The following GRIN1 variants were observed in gnomAD, a reference collection of about 807,000 sequenced individuals.
The protein encoded by GRIN1 is glutamate receptor ionotropic, NMDA 1.
A neutral mutation model predicts 103.0 loss-of-function variants in GRIN1; 38 were observed. The observed-to-expected ratio is 0.37, with a 90% CI of 0.28 to 0.48. The LOEUF is 0.48. GRIN1 is among the 20% of genes least tolerant of loss of function. The pLI, the probability that GRIN1 is intolerant of heterozygous loss-of-function variation, is 0.98. For synonymous variants in GRIN1, 544 were observed against 532.7 expected (o/e 1.02, Z -0.29); for missense variants, 577 against 1,288.9 (o/e 0.45, Z 8.46).
At chr9:137,144,241 T>C (rs931182900) in intron 2 of GRIN1, among the ~76,000 whole-genome samples, 109 of 152,056 alleles carry the variant, frequency 7.2e-4, no homozygotes, top group African/African-American at 2.5e-3. Context: ...CTCCTCCATT[T>C]CCGAGATTAT....
chr9:137,141,915 C>T, intron 1 of GRIN1, 98 bp from the exon 2 acceptor site: 1 of 1,282,106 alleles, frequency 7.8e-7, no homozygotes. Context: ...CCCCCCTTAG[C>T]CTGCTGGGTT....
intron 10 of GRIN1, among the ~76,000 whole-genome samples, 182 bp from the exon 11 acceptor site, chr9:137,161,742 C>T (rs1833563494): frequency 6.9e-6 from 1 of 144,850 alleles, no homozygotes; most frequent in African/African-American, 2.6e-5. Context: ...GTGGTGGGGC[C>T]CGCCCGGCGT....
At chr9:137,151,999 C>T (rs955275495) in intron 4 of GRIN1, among the ~76,000 whole-genome samples, 27 of 147,476 alleles carry the variant, frequency 1.8e-4, no homozygotes, top group African/African-American at 5.8e-4. Context: ...CTCCACCTCC[C>T]GGGCTCACGC....
At chr9:137,153,068 C>T (rs1312481490) in intron 4 of GRIN1, among the ~76,000 whole-genome samples, 1 of 151,270 alleles carries the variant, frequency 6.6e-6, no homozygotes, top group African/African-American at 2.4e-5. Context: ...TGCACACATG[C>T]CATATACACA....
Position 137,162,863 on chromosome 9 carries a change from C to T in GRIN1, c.2031C>T (p.Asp677=). The T allele has an allele frequency of 1.2e-6, 2 of 1,612,272 alleles. No homozygotes were observed. The highest frequency in any genetic ancestry group is 1.3e-5 in the African/African-American group (1 of 75,052). ...INDPRLRNPS[D]KFIYATVKQS... is the part of the protein sequence containing the mutation. ...CCCTGCAGCTGAGGAACCCCTCGGACAAGTTTATCTACGCCACGGTGAAGC... is the reference window on the plus strand; with the variant it reads ...CCCTGCAGCTGAGGAACCCCTCGGATAAGTTTATCTACGCCACGGTGAAGC... The change falls in exon 15 of 20, where the codon GAC becomes GAT. Residue 677 remains aspartate, a synonymous_variant. Coordinates refer to ENST00000371561, the MANE Select transcript of GRIN1 (RefSeq NM_007327.4).
intron 2 of GRIN1, among the ~76,000 whole-genome samples, chr9:137,144,202 C>T (rs972487219): frequency 6.6e-6 from 1 of 152,100 alleles, no homozygotes; most frequent in Non-Finnish European, 1.5e-5. Flanking sequence ...ACCCACGTCC[C>T]TTAGGGTGCT....
intron 8 of GRIN1, among the ~76,000 whole-genome samples, chr9:137,159,880 C>T (rs1282885004): frequency 6.6e-6 from 1 of 152,176 alleles, no homozygotes; most frequent in African/African-American, 2.4e-5. Flanking sequence ...GTGCCTCTCC[C>T]ACCACCCCCA....
intron 4 of GRIN1, among the ~76,000 whole-genome samples, chr9:137,153,355 A>G (rs1219729298): frequency 4.6e-5 from 7 of 151,992 alleles, no homozygotes; most frequent in Admixed American, 6.6e-5. Context: ...TGTATAGGTC[A>G]TACACAACAC....
rs36070681 is a variant in GRIN1, at chr9:137,161,691, CTGGAGTGGGCGGGACG to C, written c.1468-219_1468-204del. Among the ~76,000 whole-genome samples, 91,676 of 99,404 alleles carry C rather than the reference CTGGAGTGGGCGGGACG, an allele frequency of 0.92. 42,128 individuals carry two copies. Among genetic ancestry groups the C allele is most frequent in the East Asian group, 0.96 (3,296 of 3,434 alleles). The allele number at this position is 99,404 out of a possible 152,430, so 65.2% of individuals were successfully genotyped here. ...GTGGGCAGGGCCTGCAGGCGGGGGT[CTGGAGTGGGCGGGACG>C]TGGAGTGGGCGGGGCCTGCTGGCTG... is the stretch of plus-strand genomic sequence containing the variant. On this transcript the variant is annotated intron_variant, in intron 10 of 19. Transcript: ENST00000371561.
In GRIN1 at chr9:137,146,318, G is replaced by A. The variant is rs1220058141; in HGVS notation, c.570+416G>A. On this transcript the variant is annotated intron_variant, in intron 3 of 19. Coordinates refer to ENST00000371561, the MANE Select transcript of GRIN1 (RefSeq NM_007327.4). This position sits in a 1 kb window ranked among gnomAD's most constrained non-coding sequence, Gnocchi z 6.7. ...CCCCTGTACACGACCCCCACATACC[G>A]CCCCTGCAGGCCTGTCCCCTCCTGG... 2.5e-5 allele frequency among the ~76,000 whole-genome samples: 3 copies of A among 120,270 alleles called. No individual in the cohort carries two copies. The highest frequency in any genetic ancestry group is 2.7e-4 in the East Asian group (1 of 3,670). 78.9% of individuals were successfully genotyped at this position (120,270 alleles called of 152,430 possible). A position where few individuals can be genotyped will look rare whatever the true frequency, so the allele number is the denominator to read the frequency against.
intron 3 of GRIN1, among the ~76,000 whole-genome samples, chr9:137,148,531 G>A (rs1357693720): frequency 6.6e-6 from 1 of 152,220 alleles, no homozygotes; most frequent in Non-Finnish European, 1.5e-5. Flanking sequence ...GAGCCCGCCC[G>A]CCTGGCCACC....
At chr9:137,161,562 G>C (rs1269932612) in intron 10 of GRIN1, 146 bp downstream of exon 10, 1 of 732,412 alleles carries the variant, frequency 1.4e-6, no homozygotes, top group Non-Finnish European at 2.3e-6. Context: ...CCTGCGGGCT[G>C]GGTCCTGGCG....
chr9:137,145,946 G>C, intron 3 of GRIN1, 44 bp downstream of exon 3: 1 of 1,421,548 alleles, frequency 7.0e-7, no homozygotes, highest in Non-Finnish European at 9.7e-7. Flanking sequence ...GAGCCGAGGT[G>C]CAGGACGGGC....
rs1278372176 is a variant in GRIN1, at chr9:137,145,495, G to GGGA, written c.394-231_394-230insGGA. Among the ~76,000 whole-genome samples, 158 of 111,588 alleles carry GGGA rather than the reference G, an allele frequency of 1.4e-3. 15 individuals are homozygous for GGGA. Among genetic ancestry groups the GGGA allele is most frequent in the African/African-American group, 5.7e-3 (152 of 26,876 alleles). 73.2% of individuals were successfully genotyped at this position (111,588 alleles called of 152,430 possible). Reference sequence around the variant, plus strand: ...TGTCCCCAGCGGGGTGGGGACAGGGGTGGGAGACACGAGGGGGTCCCAGGG... The same window carrying GGGA: ...TGTCCCCAGCGGGGTGGGGACAGGGGGGATGGGAGACACGAGGGGGTCCCAGGG... On this transcript the variant is annotated intron_variant, in intron 2 of 19. Coordinates refer to ENST00000371561, the MANE Select transcript of GRIN1 (RefSeq NM_007327.4).
chr9:137,166,098 C>T (rs752808671), intron 19 of GRIN1, among the ~76,000 whole-genome samples: 117 of 152,284 alleles, frequency 7.7e-4, no homozygotes, highest in Non-Finnish European at 1.3e-3. Context: ...CCCCACAAGC[C>T]CTGGCCTGCA....
intron 2 of GRIN1, 31 bp downstream of exon 2, chr9:137,142,178 G>A (rs1304185166): frequency 6.2e-7 from 1 of 1,612,464 alleles, no homozygotes; most frequent in Non-Finnish European, 8.5e-7. Context: ...AGGCCTTCCG[G>A]CCCTCGGCCC....
chr9:137,142,257 C>T (rs1250280639), intron 2 of GRIN1, 110 bp downstream of exon 2: 5 of 1,024,466 alleles, frequency 4.9e-6, no homozygotes, highest in African/African-American at 1.6e-5. Context: ...ACACCACAAA[C>T]AGCCACACAG....
chr9:137,162,752 C>T lies in GRIN1; in HGVS notation c.2013+13C>T. 1 of 1,602,002 alleles carries T rather than the reference C, an allele frequency of 6.2e-7. No homozygotes were observed. Among genetic ancestry groups the T allele is most frequent in the Non-Finnish European group, 8.5e-7 (1 of 1,175,118 alleles). On this transcript the variant is annotated intron_variant, in intron 14 of 19. Transcript: ENST00000371561. Reference sequence around the variant, plus strand: ...CAACGACCCTCGGGTGAGGCCTGGCCGGGCTGGGGGAGGGAATGCGAGGTG... The same window carrying T: ...CAACGACCCTCGGGTGAGGCCTGGCTGGGCTGGGGGAGGGAATGCGAGGTG...
chr9:137,144,511 C>A (rs546334904), intron 2 of GRIN1, among the ~76,000 whole-genome samples: 1 of 151,956 alleles, frequency 6.6e-6, no homozygotes, highest in Non-Finnish European at 1.5e-5. Flanking sequence ...AAAAATTAGC[C>A]GGGCGTGGTG....
Sources: gnomAD v4.1 joint callset for allele counts (sites outside exome capture counted in the v4.1 genomes callset) on GRCh38, gnomAD v4.1.1 for gene constraint, Gnocchi (gnomAD v3.1) non-coding constraint, MANE v1.5 for transcripts, NCBI Gene and HGNC (gene_info 2026-07-23, HGNC 2026-07-21) for gene names.